MFSD12: variants seen among roughly 807,000 people sequenced by gnomAD.
The protein encoded by MFSD12 is major facilitator superfamily domain-containing protein 12.
A neutral mutation model predicts 51.2 loss-of-function variants in MFSD12; 67 were observed. The observed-to-expected ratio is 1.31, with a 90% CI of 1.08 to 1.60. MFSD12 has a LOEUF of 1.60. Among genes scored for constraint, MFSD12 ranks in the 40% most tolerant of loss-of-function variants. The pLI is 0.00. For missense variants in MFSD12, 921 were observed against 673.0 expected (o/e 1.37, Z -4.08); for synonymous variants, 441 against 316.7 (o/e 1.39, Z -4.17).
intron 8 of MFSD12, among the ~76,000 whole-genome samples, chr19:3,545,684 C>A (rs899092984): frequency 1.3e-5 from 2 of 152,258 alleles, no homozygotes; most frequent in African/African-American, 2.4e-5. Flanking sequence ...TGGCTCTGCC[C>A]CAGGCCCAGA....
chr19:3,551,272 A>G lies in MFSD12; in HGVS notation c.299-78T>C, dbSNP rs1599837117. The G allele has an allele frequency of 8.3e-7, 1 of 1,202,636 alleles. No homozygotes were observed. The highest frequency in any genetic ancestry group is 1.2e-6 in the Non-Finnish European group (1 of 867,720). The allele number at this position is 1,202,636 out of a possible 1,614,324, so 74.5% of individuals were successfully genotyped here. A position where few individuals can be genotyped will look rare whatever the true frequency, so the allele number is the denominator to read the frequency against. On this transcript the variant is annotated intron_variant, in intron 1 of 9. Transcript: ENST00000355415. This position sits in a 1 kb window ranked among gnomAD's most constrained non-coding sequence, Gnocchi z 4.6. ...CCCAGGGTGAGGACATGGAGGGAGGAGAGAGGGAAACTGAGGCACAGATGG... is the reference window on the plus strand; with the variant it reads ...CCCAGGGTGAGGACATGGAGGGAGGGGAGAGGGAAACTGAGGCACAGATGG...
At position 3,544,953 on chromosome 19, in the gene MFSD12, C is replaced by G. The variant is rs376694244; in HGVS notation, c.1290-14G>C. The G allele has an allele frequency of 3.1e-6, 5 of 1,598,420 alleles. No homozygotes were observed. Among genetic ancestry groups the G allele is most frequent in the East Asian group, 2.3e-5 (1 of 44,238 alleles). On this transcript the variant is annotated splice_polypyrimidine_tract_variant and intron_variant, in intron 8 of 9. Coordinates refer to ENST00000355415, the MANE Select transcript of MFSD12 (RefSeq NM_174983.5). ...CAGAGCTCTGAGCTGTGGGAGGAGG[C>G]GGGGGATGAGTAGGCACCGCGGGTA...
At chr19:3,543,958 G>T (rs768984004), downstream of MFSD12, 4 of 1,550,368 alleles carry the variant, frequency 2.6e-6, no homozygotes, top group Non-Finnish European at 3.5e-6. Flanking sequence ...GAACCATACT[G>T]CCCCTCCACC....
At chr19:3,556,994 G>C in intron 1 of MFSD12, 112 bp downstream of exon 1, 1 of 1,057,450 alleles carries the variant, frequency 9.5e-7, no homozygotes, top group Non-Finnish European at 1.3e-6. Flanking sequence ...ACCGAGGGGA[G>C]ACTCCGATCC....
intron 8 of MFSD12, 93 bp downstream of exon 8, chr19:3,545,981 G>C: frequency 1.5e-6 from 2 of 1,352,434 alleles, no homozygotes; most frequent in Non-Finnish European, 2.1e-6. Context: ...TCCACAGCTG[G>C]ATGCCCAGAC....
Position 3,545,286 on chromosome 19 carries a change from G to C in MFSD12, c.1290-347C>G, listed in dbSNP as rs140810178. ...ACCAGAGGGCGTCTGTGAGCGCCTG[G>C]GTCAGGGCCTGTCCCTCTTCTGCCC... On this transcript the variant is annotated intron_variant, in intron 8 of 9. Coordinates refer to ENST00000355415, the MANE Select transcript of MFSD12 (RefSeq NM_174983.5). Among the ~76,000 whole-genome samples, 581 of 152,258 alleles carry C rather than the reference G, an allele frequency of 3.8e-3. 4 individuals carry two copies. The highest frequency in any genetic ancestry group is 0.013 in the African/African-American group (560 of 41,546).
At chr19:3,555,160 G>A (rs2031670181) in intron 1 of MFSD12, among the ~76,000 whole-genome samples, 1 of 152,212 alleles carries the variant, frequency 6.6e-6, no homozygotes, top group African/African-American at 2.4e-5. Flanking sequence ...TGTGTCTGGA[G>A]TGCAGTGGCG....
chr19:3,538,830 CCCCGGCCAGGCACTGCCTCCTGCGAT>C, intron 4 of MFSD12: 3 of 560,706 alleles, frequency 5.4e-6, no homozygotes, highest in South Asian at 4.5e-5. Flanking sequence ...GTGCCTGCGA[CCCCGGCCAGGCACTGCCTCCTGCGAT>C]CGAAGGGGCA....
At chr19:3,539,258 C>T (rs901700648), downstream of MFSD12, 20 of 1,544,504 alleles carry the variant, frequency 1.3e-5, no homozygotes, top group Non-Finnish European at 1.8e-5. Context: ...CACCGCTGTA[C>T]AGGTGAGCCC....
At chr19:3,543,770 C>A, downstream of MFSD12, 2 of 1,489,596 alleles carry the variant, frequency 1.3e-6, no homozygotes, top group African/African-American at 1.4e-5. Context: ...ATCCAGGAGC[C>A]CCTTGCTGGC....
chr19:3,554,236 A>G (rs888616688), intron 1 of MFSD12, among the ~76,000 whole-genome samples: 1 of 151,954 alleles, frequency 6.6e-6, no homozygotes, highest in African/African-American at 2.4e-5. Context: ...CAGCGGTTCA[A>G]GCCCAGCCTG....
rs1568254500 is a variant in MFSD12, at chr19:3,546,140, A to G, written c.1223T>C (p.Met408Thr). ...ATTGGCCACCTTATCCAAGAAGCTC[A>G]TGGAGCCGTACACGAACGCTCCGCT... Reference protein sequence around the residue: ...TNSGAFVYGSMSFLDKVANGL... With the variant: ...TNSGAFVYGSTSFLDKVANGL... The change falls in exon 8 of 10, where the codon ATG (methionine) becomes ACG (threonine). Residue 408 changes from methionine (M) to threonine (T), a missense_variant. Coordinates refer to ENST00000355415, the MANE Select transcript of MFSD12 (RefSeq NM_174983.5). 6.2e-7 allele frequency: 1 copy of G among 1,608,394 alleles called. No homozygotes were observed. Among genetic ancestry groups the G allele is most frequent in the Non-Finnish European group, 8.5e-7 (1 of 1,175,624 alleles).
intron 1 of MFSD12, among the ~76,000 whole-genome samples, chr19:3,556,528 C>G (rs1165928165): frequency 1.2e-4 from 17 of 147,294 alleles, no homozygotes; most frequent in Admixed American, 6.9e-5. Context: ...AAGCCCTGCA[C>G]AGTTGGACAG....
chr19:3,546,200 C>T (rs369736458), intron 7 of MFSD12, 32 bp from the exon 8 acceptor site: 12 of 1,609,864 alleles, frequency 7.5e-6, no homozygotes, highest in South Asian at 4.4e-5. Flanking sequence ...GGTCAGCGTG[C>T]ACCCCGAGAT....
downstream of MFSD12, chr19:3,543,560 AC>A: frequency 6.5e-7 from 1 of 1,532,684 alleles, no homozygotes. Context: ...CGCAGCCTAC[AC>A]CCAGCACCTG....
downstream of MFSD12, chr19:3,543,280 C>T (rs2030588339): frequency 6.5e-7 from 1 of 1,547,934 alleles, no homozygotes; most frequent in South Asian, 1.2e-5. Flanking sequence ...CACCAGCCAT[C>T]AGGCAGGCCA....
intron 8 of MFSD12, among the ~76,000 whole-genome samples, chr19:3,545,342 G>A (rs923216881): frequency 1.3e-5 from 2 of 152,100 alleles, no homozygotes; most frequent in African/African-American, 2.4e-5. Flanking sequence ...CTGTCCTCAG[G>A]GTCAAATCCC....
chr19:3,546,448 A>C (rs750209681), intron 6 of MFSD12, 23 bp from the exon 7 acceptor site: 1 of 1,589,952 alleles, frequency 6.3e-7, no homozygotes, highest in Non-Finnish European at 8.6e-7. Context: ...CCCCGGGGTC[A>C]GGCCCACACC....
Position 3,544,629 on chromosome 19 carries a change from G to T in MFSD12, c.*81C>A. On this transcript the variant is annotated 3_prime_UTR_variant, in exon 10 of 10. Transcript: ENST00000355415. The stretch of plus-strand genomic sequence containing the variant: ...GTCCAGAGAAGAGTGAGGGGCAGTG[G>T]GGGCTTTTCCCCAAGGCCCTGGGGG... 1 of 1,520,782 alleles carries T rather than the reference G, an allele frequency of 6.6e-7. No individual in the cohort carries two copies. Among genetic ancestry groups the T allele is most frequent in the South Asian group, 1.3e-5 (1 of 78,548 alleles). 94.2% of individuals were successfully genotyped at this position (1,520,782 alleles called of 1,614,324 possible). A position where few individuals can be genotyped will look rare whatever the true frequency, so the allele number is the denominator to read the frequency against.
Sources: gnomAD v4.1 joint callset for allele counts (sites outside exome capture counted in the v4.1 genomes callset) on GRCh38, gnomAD v4.1.1 for gene constraint, Gnocchi (gnomAD v3.1) non-coding constraint, MANE v1.5 for transcripts, NCBI Gene and HGNC (gene_info 2026-07-23, HGNC 2026-07-21) for gene names.